GFRA1: variants seen among roughly 807,000 people sequenced by gnomAD.
GFRA1 encodes GDNF family receptor alpha-1.
In GFRA1, 16 loss-of-function variants were observed where a neutral mutation model predicts 51.6. The ratio of observed to expected loss-of-function variants is 0.31; its 90% confidence interval spans 0.21 to 0.47. The LOEUF (loss-of-function observed/expected upper bound fraction) is 0.47. Among genes scored for constraint, GFRA1 ranks in the 20% least tolerant of loss-of-function variants. GFRA1 has a pLI of 1.00. For synonymous variants in GFRA1, 270 were observed against 241.3 expected (o/e 1.12, Z -1.10); for missense variants, 530 against 594.3 (o/e 0.89, Z 1.13).
At chr10:116,133,684 T>C (rs1414711265) in intron 5 of GFRA1, among the ~76,000 whole-genome samples, 1 of 152,230 alleles carries the variant, frequency 6.6e-6, no homozygotes, top group Admixed American at 6.5e-5. Flanking sequence ...AGGGACAGAA[T>C]GTAAAACCCC....
chr10:116,218,557 G>A (rs1234808074), intron 4 of GFRA1, among the ~76,000 whole-genome samples: 3 of 152,136 alleles, frequency 2.0e-5, no homozygotes, highest in Admixed American at 1.3e-4. Context: ...CAGAGTCCCC[G>A]CTCAGCCTCA....
In GFRA1 at chr10:116,059,408, CG is replaced by C; in HGVS notation, c.*4989del. 1 of 152,210 alleles carries C rather than the reference CG, an allele frequency of 6.6e-6. No individual in the cohort carries two copies. Among genetic ancestry groups the C allele is most frequent in the Non-Finnish European group, 1.5e-5 (1 of 68,070 alleles). The allele number at this position is 152,210 out of a possible 1,614,324, so 9.4% of individuals were successfully genotyped here. On this transcript the variant is annotated 3_prime_UTR_variant, in exon 11 of 11. Transcript: ENST00000355422. ...ATCAGAGAAAACCTTCTATTGATGC[CG>C]GTGCTGGGCTTGGCAGCTGCCCTGG...
intron 4 of GFRA1, among the ~76,000 whole-genome samples, chr10:116,260,556 A>G (rs1030610152): frequency 1.3e-5 from 2 of 152,200 alleles, no homozygotes; most frequent in African/African-American, 4.8e-5. Flanking sequence ...CTATTTGAAG[A>G]AAGATCGTAA....
intron 5 of GFRA1, among the ~76,000 whole-genome samples, chr10:116,134,884 A>T (rs763339473): frequency 2.0e-5 from 3 of 152,148 alleles, no homozygotes; most frequent in Admixed American, 6.5e-5. Flanking sequence ...AAAAAATTGG[A>T]TATCTCCTGT....
At position 116,073,445 on chromosome 10, in the gene GFRA1, A is replaced by G. The variant is rs559070763; in HGVS notation, c.1198-7819T>C. Among the ~76,000 whole-genome samples, 45 of 152,340 alleles carry G rather than the reference A, an allele frequency of 3.0e-4. No individual in the cohort carries two copies. In the South Asian group the frequency reaches 6.2e-3, roughly 21 times the overall value. On this transcript the variant is annotated intron_variant, in intron 9 of 10. Coordinates refer to ENST00000355422, the MANE Select transcript of GFRA1 (RefSeq NM_005264.8). ...AACTTGCTTGATTAGCAAAATATTC[A>G]GACAAGAAGCAATTATGAGCTGTAT... is the stretch of plus-strand genomic sequence containing the variant.
intron 9 of GFRA1, among the ~76,000 whole-genome samples, chr10:116,087,180 C>T (rs1300151240): frequency 1.3e-5 from 2 of 152,176 alleles, no homozygotes; most frequent in Non-Finnish European, 2.9e-5. Flanking sequence ...ACAGATCCTC[C>T]TTGCAGGGAA....
At chr10:116,109,579 C>T (rs967131488) in intron 6 of GFRA1, among the ~76,000 whole-genome samples, 5 of 152,210 alleles carry the variant, frequency 3.3e-5, no homozygotes, top group Non-Finnish European at 5.9e-5. Context: ...GGGCTGTGTT[C>T]CCCCAGAGGG....
At chr10:116,096,294 C>T (rs1480463049) in intron 7 of GFRA1, among the ~76,000 whole-genome samples, 1 of 152,004 alleles carries the variant, frequency 6.6e-6, no homozygotes, top group African/African-American at 2.4e-5. Flanking sequence ...TTCCCTAATT[C>T]AATTAACTTT....
intron 9 of GFRA1, among the ~76,000 whole-genome samples, chr10:116,077,053 T>TCC (rs1955648074): frequency 6.6e-6 from 1 of 152,200 alleles, no homozygotes; most frequent in Non-Finnish European, 1.5e-5. Flanking sequence ...GAGGTATTCA[T>TCC]AAGAGACTTT....
intron 4 of GFRA1, among the ~76,000 whole-genome samples, chr10:116,264,585 G>A (rs1420898112): frequency 6.6e-6 from 1 of 152,192 alleles, no homozygotes; most frequent in East Asian, 1.9e-4. Flanking sequence ...TTGCCTGTTT[G>A]GGGGGATTCC....
intron 5 of GFRA1, among the ~76,000 whole-genome samples, chr10:116,193,295 G>T (rs922313620): frequency 7.9e-5 from 12 of 152,290 alleles, no homozygotes; most frequent in African/African-American, 2.9e-4. Context: ...ATTAAAGTTT[G>T]GGGAGGGAAA....
At position 116,136,505 on chromosome 10, in the gene GFRA1, C is replaced by A. The variant is rs949577451; in HGVS notation, c.434-10948G>T. Among the ~76,000 whole-genome samples, 23 of 152,108 alleles carry A rather than the reference C, an allele frequency of 1.5e-4. 1 individual carries two copies. ...CCCCCTCTTCCCCCTCCACTTTGCA[C>A]CAGTGTATTGCCATGGAGAAGACTA... On this transcript the variant is annotated intron_variant, in intron 5 of 10. Transcript: ENST00000355422.
chr10:116,129,787 A>G (rs1958029010), intron 5 of GFRA1, among the ~76,000 whole-genome samples: 1 of 152,076 alleles, frequency 6.6e-6, no homozygotes, highest in South Asian at 2.1e-4. Flanking sequence ...TAGTGTTTGT[A>G]CACATTTATA....
In GFRA1 at chr10:116,065,012, C is replaced by CTCTGGCT. The variant is rs551269575; in HGVS notation, c.1252-475_1252-469dup. On this transcript the variant is annotated intron_variant, in intron 10 of 10. Coordinates refer to ENST00000355422, the MANE Select transcript of GFRA1 (RefSeq NM_005264.8). ...TGTTGCTGGGAGAACTAAACCAGAA[C>CTCTGGCT]TCTGGCTTCTGGATTCCCAGCCAGC... Among the ~76,000 whole-genome samples the CTCTGGCT allele has an allele frequency of 3.5e-3, 528 of 152,268 alleles. 5 individuals are homozygous for CTCTGGCT. The highest frequency in any genetic ancestry group is 0.012 in the African/African-American group (501 of 41,540).
At chr10:116,105,495 C>T (rs1372137823) in intron 6 of GFRA1, among the ~76,000 whole-genome samples, 1 of 152,126 alleles carries the variant, frequency 6.6e-6, no homozygotes, top group East Asian at 1.9e-4. Context: ...GCTCAGGAAT[C>T]CTGGGCAGCA....
chr10:116,215,276 T>C (rs1299796187), intron 4 of GFRA1, among the ~76,000 whole-genome samples: 1 of 152,216 alleles, frequency 6.6e-6, no homozygotes, highest in Non-Finnish European at 1.5e-5. Flanking sequence ...GTTTCTGTTC[T>C]GTTGGCTACA....
At chr10:116,112,053 C>T (rs769447669) in intron 6 of GFRA1, among the ~76,000 whole-genome samples, 97 of 152,314 alleles carry the variant, frequency 6.4e-4, no homozygotes, top group Non-Finnish European at 1.2e-3. Context: ...ACCAGCTGGT[C>T]CAATAGGAAA....
At chr10:116,207,090 A>C (rs1964835794) in intron 5 of GFRA1, among the ~76,000 whole-genome samples, 1 of 116,480 alleles carries the variant, frequency 8.6e-6, no homozygotes, top group Admixed American at 8.1e-5. Context: ...ATCTACAGAA[A>C]GACAAACAGG....
upstream of GFRA1, among the ~76,000 whole-genome samples, chr10:116,273,642 ACACACTCTCT>A (rs1407570738): frequency 4.0e-5 from 1 of 25,282 alleles, no homozygotes; most frequent in Non-Finnish European, 1.5e-4. Context: ...TGCCAGACAC[ACACACTCTCT>A]CTCTCTCTCT....
Sources: allele counts gnomAD v4.1 joint callset (sites outside exome capture counted in the v4.1 genomes callset), GRCh38; gene constraint gnomAD v4.1.1; transcripts MANE v1.5; gene names NCBI Gene and HGNC (gene_info 2026-07-23, HGNC 2026-07-21).